The following CLUAP1 variants were observed in gnomAD, a reference collection of about 807,000 sequenced individuals.
The protein encoded by CLUAP1 is intraflagellar transport 38.
A neutral mutation model predicts 55.0 loss-of-function variants in CLUAP1; 50 were observed. That is an observed-to-expected ratio of 0.91 (90% confidence interval 0.72 to 1.15). The LOEUF is 1.15. CLUAP1 is among the 50% of genes most tolerant of loss of function. CLUAP1 has a pLI of 0.00. For missense variants in CLUAP1, 530 were observed against 507.6 expected, an observed-to-expected ratio of 1.04 and a Z score of -0.42; for synonymous variants, 195 against 175.4, an observed-to-expected ratio of 1.11 and a Z score of -0.88.
rs1461611978 is a variant in CLUAP1 at position 3,537,270 on chromosome 16, C to T, written c.*999C>T. On this transcript the variant is annotated 3_prime_UTR_variant, in exon 12 of 12. Coordinates refer to ENST00000576634, the MANE Select transcript of CLUAP1 (RefSeq NM_015041.3). ...TGTTTCTGATTTAAAAAAACAACAACACAGGATTGAATTAAGTAGAGTAAT... is the reference window on the plus strand; with the variant it reads ...TGTTTCTGATTTAAAAAAACAACAATACAGGATTGAATTAAGTAGAGTAAT... 5 of 152,148 alleles carry T rather than the reference C, an allele frequency of 3.3e-5. No homozygotes were observed. Among genetic ancestry groups the T allele is most frequent in the Non-Finnish European group, 7.4e-5 (5 of 68,020 alleles). The allele number at this position is 152,148 out of a possible 1,614,324, so 9.4% of individuals were successfully genotyped here.
chr16:3,500,181 C>T (rs965602476), upstream of CLUAP1, among the ~76,000 whole-genome samples: 2 of 152,152 alleles, frequency 1.3e-5, no homozygotes, highest in African/African-American at 4.8e-5. Flanking sequence ...ACCCGCGCGG[C>T]GCGAGCGGCT....
chr16:3,516,353 T>C (rs1262820206), intron 6 of CLUAP1, among the ~76,000 whole-genome samples: 1 of 152,202 alleles, frequency 6.6e-6, no homozygotes, highest in African/African-American at 2.4e-5. Flanking sequence ...CATAGGTTTT[T>C]AAAAATATGT....
upstream of CLUAP1, chr16:3,496,520 G>T (rs910872270): frequency 2.6e-5 from 15 of 580,206 alleles, no homozygotes; most frequent in African/African-American, 2.8e-4. Flanking sequence ...CGCTGCCCGT[G>T]ACCAGCCGGC....
In CLUAP1 at chr16:3,523,328, A is replaced by G. The variant is rs140813134; in HGVS notation, c.855+29A>G. On this transcript the variant is annotated intron_variant, in intron 8 of 11. Coordinates refer to ENST00000576634, the MANE Select transcript of CLUAP1 (RefSeq NM_015041.3). ...AGCTGAGCCTGTCCTCTGTTCAGCC[A>G]TTCCTTCTGGTGTGTTATTTTGTAC... 11 of 1,589,770 alleles carry G rather than the reference A, an allele frequency of 6.9e-6. No homozygotes were observed. In the African/African-American group the frequency reaches 1.4e-4, roughly 20 times the overall value.
chr16:3,497,651 C>T (rs1271423750), upstream of CLUAP1, among the ~76,000 whole-genome samples: 1 of 151,902 alleles, frequency 6.6e-6, no homozygotes, highest in African/African-American at 2.4e-5. Flanking sequence ...TGAGATAGGG[C>T]CTTGCTCCAT....
chr16:3,527,714 C>T (rs533250011), intron 9 of CLUAP1, among the ~76,000 whole-genome samples: 3 of 152,292 alleles, frequency 2.0e-5, no homozygotes, highest in African/African-American at 7.2e-5. Flanking sequence ...GTACACCTGG[C>T]TCTGCCTTTT....
intron 4 of CLUAP1, among the ~76,000 whole-genome samples, chr16:3,508,944 T>G (rs12926887): frequency 0.43 from 63,521 of 146,630 alleles, 16,277 homozygotes; most frequent in African/African-American, 0.74. Context: ...GCGGGTGGCG[T>G]CAGGGTGTCT....
upstream of CLUAP1, among the ~76,000 whole-genome samples, chr16:3,500,682 A>G (rs978004783): frequency 6.6e-6 from 1 of 152,002 alleles, no homozygotes. Context: ...AGCATCGTGC[A>G]TTCTTTATAG....
At chr16:3,532,998 G>A in intron 11 of CLUAP1, 157 bp downstream of exon 11, 3 of 1,350,262 alleles carry the variant, frequency 2.2e-6, no homozygotes, top group Non-Finnish European at 3.1e-6. Context: ...TGAGGCTCTG[G>A]ACTCTTCGTT....
Position 3,523,216 on chromosome 16 carries a change from A to C in CLUAP1, c.772A>C (p.Thr258Pro). 1 of 1,613,974 alleles carries C rather than the reference A, an allele frequency of 6.2e-7. No individual in the cohort carries two copies. Among genetic ancestry groups the C allele is most frequent in the South Asian group, 1.1e-5 (1 of 91,044 alleles). ...TEEELQKQYDTYLEKFQNLTY... is the reference protein window; with the variant it reads ...TEEELQKQYDPYLEKFQNLTY... ...GGAAGAATTACAAAAGCAGTATGAC[A>C]CTTATCTGGAGAAATTTCAAAATCT... The change falls in exon 8 of 12, where the codon ACT becomes CCT. Residue 258 changes from threonine to proline, a missense_variant. By Grantham distance (38) the Thr-to-Pro change is conservative. Transcript: ENST00000576634.
chr16:3,506,480 A>C, intron 3 of CLUAP1, 65 bp downstream of exon 3: 1 of 1,229,654 alleles, frequency 8.1e-7, no homozygotes, highest in South Asian at 1.2e-5. Context: ...ACTCCTTGTT[A>C]GGGCGACTTT....
chr16:3,510,787 C>T (rs181353084), intron 4 of CLUAP1, among the ~76,000 whole-genome samples: 435 of 152,214 alleles, frequency 2.9e-3, no homozygotes, highest in Non-Finnish European at 3.6e-3. Flanking sequence ...TTGTGTGAGC[C>T]CCTGGAAGGA....
chr16:3,512,584 T>C (rs1015410195), intron 5 of CLUAP1, 106 bp downstream of exon 5: 1 of 832,482 alleles, frequency 1.2e-6, no homozygotes, highest in South Asian at 1.6e-5. Flanking sequence ...ATACACCTGG[T>C]TGAATGAGCT....
At chr16:3,516,368 C>A (rs530148106) in intron 6 of CLUAP1, among the ~76,000 whole-genome samples, 1 of 152,222 alleles carries the variant, frequency 6.6e-6, no homozygotes, top group East Asian at 1.9e-4. Flanking sequence ...ATATGTAATT[C>A]TTTTGTCATT....
chr16:3,525,580 C>T (rs191631212), intron 8 of CLUAP1, among the ~76,000 whole-genome samples: 7 of 152,048 alleles, frequency 4.6e-5, no homozygotes, highest in Admixed American at 1.3e-4. Flanking sequence ...TCTTTCTCAA[C>T]GGGGTCTCAC....
At chr16:3,498,872 A>G (rs556660580), upstream of CLUAP1, among the ~76,000 whole-genome samples, 1 of 148,488 alleles carries the variant, frequency 6.7e-6, no homozygotes, top group African/African-American at 2.4e-5. Flanking sequence ...AAAAACAAAC[A>G]AACAAACAAA....
chr16:3,533,378 G>A (rs2038167951), intron 11 of CLUAP1: 7 of 552,224 alleles, frequency 1.3e-5, no homozygotes, highest in Non-Finnish European at 1.9e-5. Context: ...GCCATCCTCA[G>A]GCCCTGGGCC....
Position 3,533,130 on chromosome 16 carries a change from G to C in CLUAP1, c.1092+289G>C, listed in dbSNP as rs1370929807. ...GCAGCACCAGCTCTCTTAGGTAAATGCAAGACTTCCAGCTCCAAGAAGCAG... is the reference window on the plus strand; with the variant it reads ...GCAGCACCAGCTCTCTTAGGTAAATCCAAGACTTCCAGCTCCAAGAAGCAG... On this transcript the variant is annotated intron_variant, in intron 11 of 11. Transcript: ENST00000576634. 2.0e-6 allele frequency: 3 copies of C among 1,536,108 alleles called. No individual in the cohort carries two copies. The Admixed American group carries it at 5.9e-5, about 30-fold the overall frequency.
chr16:3,506,239 C>T (rs1229128933), intron 2 of CLUAP1, 92 bp from the exon 3 acceptor site: 1 of 1,035,092 alleles, frequency 9.7e-7, no homozygotes, highest in Non-Finnish European at 1.5e-6. Context: ...GCGTTGTGTT[C>T]CAGACCCGCT....
Sources: gnomAD v4.1 joint callset for allele counts (sites outside exome capture counted in the v4.1 genomes callset) on GRCh38, gnomAD v4.1.1 for gene constraint, MANE v1.5 for transcripts, NCBI Gene and HGNC (gene_info 2026-07-23, HGNC 2026-07-21) for gene names.